MINDY2: variants seen among roughly 807,000 people sequenced by gnomAD.
The protein encoded by MINDY2 is ubiquitin carboxyl-terminal hydrolase MINDY-2.
MINDY2 carries 52 observed loss-of-function variants against 68.2 expected under a neutral mutation model. The ratio of observed to expected loss-of-function variants is 0.76; its 90% CI spans 0.61 to 0.96. The LOEUF (loss-of-function observed/expected upper bound fraction) is 0.96, where lower values mean the gene tolerates loss of function less well. Ranked by LOEUF, MINDY2 falls within the 40% of genes least tolerant of loss-of-function variation. The pLI, the probability that MINDY2 is intolerant of heterozygous loss-of-function variation, is 0.00. For synonymous variants in MINDY2, 372 were observed against 303.0 expected (o/e 1.23, Z -2.36); for missense variants, 881 against 773.4 (o/e 1.14, Z -1.65).
chr15:58,834,955 A>G (rs868473024), intron 6 of MINDY2, among the ~76,000 whole-genome samples: 2 of 152,226 alleles, frequency 1.3e-5, no homozygotes, highest in South Asian at 2.1e-4. Flanking sequence ...TCAGAAATCT[A>G]AGGCCAAAGG....
chr15:58,857,446 A>G lies in MINDY2; in HGVS notation c.*2836A>G, dbSNP rs1276285304. The G allele has an allele frequency of 6.7e-6, 1 of 148,300 alleles. No homozygotes were observed. The highest frequency in any genetic ancestry group is 1.5e-5 in the Non-Finnish European group (1 of 67,662). The allele number at this position is 148,300 out of a possible 1,614,324, so 9.2% of individuals were successfully genotyped here. ...CTACTTGGGAGGCTGAGGCAGGAGA[A>G]TCGCTTGAACCCAGGAGGCAGTGAT... is the stretch of plus-strand genomic sequence containing the variant. On this transcript the variant is annotated 3_prime_UTR_variant, in exon 9 of 9. Coordinates refer to ENST00000559228, the MANE Select transcript of MINDY2 (RefSeq NM_001040450.3).
At position 58,771,536 on chromosome 15, in the gene MINDY2, G is replaced by A; in HGVS notation, c.141G>A (p.Glu47=). ...AGDGPGVWAA[E]TSGGNGLGAA... ...ATGGTCCTGGGGTATGGGCGGCGGA[G>A]ACCAGCGGCGGGAATGGGCTGGGGG... Residue 47 remains glutamate (E), a synonymous_variant, in exon 1 of 9, where the codon GAG becomes GAA. Coordinates refer to ENST00000559228, the MANE Select transcript of MINDY2 (RefSeq NM_001040450.3). 6.2e-7 allele frequency: 1 copy of A among 1,611,906 alleles called. No individual in the cohort carries two copies. Among genetic ancestry groups the A allele is most frequent in the Non-Finnish European group, 8.5e-7 (1 of 1,179,662 alleles).
intron 1 of MINDY2, among the ~76,000 whole-genome samples, chr15:58,776,755 C>T (rs1375801446): frequency 2.0e-5 from 3 of 152,114 alleles, no homozygotes; most frequent in Non-Finnish European, 4.4e-5. Flanking sequence ...TGTGTGGTGG[C>T]TCATGCCTGT....
At chr15:58,792,307 G>C (rs1204539634) in intron 2 of MINDY2, among the ~76,000 whole-genome samples, 2 of 152,216 alleles carry the variant, frequency 1.3e-5, no homozygotes, top group Non-Finnish European at 2.9e-5. Context: ...TGTCCATACA[G>C]CTTGTATAAA....
chr15:58,805,251 GCTGAGT>G (rs1902938881), intron 3 of MINDY2, among the ~76,000 whole-genome samples: 1 of 152,126 alleles, frequency 6.6e-6, no homozygotes, highest in Admixed American at 6.5e-5. Flanking sequence ...ATATGGCTGG[GCTGAGT>G]CTAAGCTAAT....
rs1179068675 is a variant in MINDY2 at position 58,856,140 on chromosome 15, AGTTT to A, written c.*1535_*1538del. ...CTGTTTTATATGCCTTATATTTAAA[AGTTT>A]GTTTTAGTTATTTTGAAAGACTATT... On this transcript the variant is annotated 3_prime_UTR_variant, in exon 9 of 9. Coordinates refer to ENST00000559228, the MANE Select transcript of MINDY2 (RefSeq NM_001040450.3). The A allele has an allele frequency of 6.6e-6, 1 of 152,618 alleles. No individual in the cohort carries two copies. The highest frequency in any genetic ancestry group is 1.5e-5 in the Non-Finnish European group (1 of 68,030). The allele number at this position is 152,618 out of a possible 1,614,324, so 9.5% of individuals were successfully genotyped here.
At chr15:58,804,442 C>T (rs1902882271) in intron 3 of MINDY2, among the ~76,000 whole-genome samples, 1 of 152,154 alleles carries the variant, frequency 6.6e-6, no homozygotes, top group South Asian at 2.1e-4. Flanking sequence ...CTGATGTCAA[C>T]CTCCAAATTC....
chr15:58,829,394 G>T (rs1217035584), intron 5 of MINDY2, among the ~76,000 whole-genome samples: 1 of 152,130 alleles, frequency 6.6e-6, no homozygotes, highest in Non-Finnish European at 1.5e-5. Flanking sequence ...ATTCTCCTAG[G>T]TTACTGTCTT....
Position 58,857,293 on chromosome 15 carries a change from G to A in MINDY2, c.*2683G>A, listed in dbSNP as rs563979575. On this transcript the variant is annotated 3_prime_UTR_variant, in exon 9 of 9. Transcript: ENST00000559228. ...TCATGCCTGTAATCCCAGTACTTTG[G>A]GAGGCCGAGGCAGGTGGATCACCTG... 1.4e-4 allele frequency: 21 copies of A among 152,276 alleles called. No individual in the cohort carries two copies. The highest frequency in any genetic ancestry group is 3.6e-4 in the African/African-American group (15 of 41,564). The allele number at this position is 152,276 out of a possible 1,614,324, so 9.4% of individuals were successfully genotyped here.
chr15:58,832,791 G>C (rs1165260401), intron 6 of MINDY2, among the ~76,000 whole-genome samples: 1 of 152,202 alleles, frequency 6.6e-6, no homozygotes, highest in South Asian at 2.1e-4. Context: ...CTCCCAAAGT[G>C]CTGGGATTAC....
intron 1 of MINDY2, among the ~76,000 whole-genome samples, chr15:58,773,492 G>A (rs923305369): frequency 3.9e-5 from 6 of 152,236 alleles, no homozygotes; most frequent in Admixed American, 1.3e-4. Context: ...TTAAAAGGCT[G>A]TCAAGCTGTT....
intron 5 of MINDY2, among the ~76,000 whole-genome samples, chr15:58,823,223 C>T (rs1472708922): frequency 4.0e-5 from 6 of 151,048 alleles, no homozygotes; most frequent in East Asian, 3.9e-4. Flanking sequence ...CTGCAACCTC[C>T]GCCTCCCAGG....
intron 6 of MINDY2, among the ~76,000 whole-genome samples, chr15:58,833,171 T>C (rs1340705007): frequency 6.6e-6 from 1 of 152,230 alleles, no homozygotes; most frequent in East Asian, 1.9e-4. Context: ...TCTGATCCCA[T>C]CAGTAATATA....
intron 5 of MINDY2, among the ~76,000 whole-genome samples, chr15:58,827,319 C>T (rs1247939817): frequency 6.6e-6 from 1 of 152,112 alleles, no homozygotes; most frequent in African/African-American, 2.4e-5. Flanking sequence ...TGGTTCTTGC[C>T]TGAATCAGTT....
intron 3 of MINDY2, among the ~76,000 whole-genome samples, chr15:58,805,424 A>T (rs534139590): frequency 3.9e-4 from 59 of 152,294 alleles, no homozygotes; most frequent in African/African-American, 1.4e-3. Flanking sequence ...CAAAGAGCCT[A>T]TTTTTTCCAG....
chr15:58,802,631 T>C (rs1187207385), intron 3 of MINDY2, among the ~76,000 whole-genome samples: 1 of 151,968 alleles, frequency 6.6e-6, no homozygotes, highest in African/African-American at 2.4e-5. Flanking sequence ...GTATTTTTCC[T>C]TTTTTTTCTC....
intron 5 of MINDY2, among the ~76,000 whole-genome samples, chr15:58,829,192 T>C (rs1235950866): frequency 1.3e-5 from 2 of 152,222 alleles, no homozygotes; most frequent in Non-Finnish European, 1.5e-5. Context: ...AAAGGCTAAT[T>C]AATTATAAAA....
intron 1 of MINDY2, among the ~76,000 whole-genome samples, chr15:58,782,336 C>G (rs1025528714): frequency 1.3e-5 from 2 of 152,034 alleles, no homozygotes; most frequent in Non-Finnish European, 2.9e-5. Context: ...TTATTTAGTG[C>G]GTCCATTTTG....
chr15:58,800,235 G>C (rs551977129), intron 2 of MINDY2, among the ~76,000 whole-genome samples: 2 of 152,118 alleles, frequency 1.3e-5, no homozygotes, highest in Admixed American at 6.6e-5. Context: ...TTAGTAGCAA[G>C]GTTTTCTTAA....
Sources: allele counts gnomAD v4.1 joint callset (sites outside exome capture counted in the v4.1 genomes callset), GRCh38; gene constraint gnomAD v4.1.1; transcripts MANE v1.5; gene names NCBI Gene and HGNC (gene_info 2026-07-23, HGNC 2026-07-21).